Variants in EPHB1 observed in about 807,000 individuals in gnomAD.
The protein encoded by EPHB1 is ephrin type-B receptor 1.
In EPHB1, 30 loss-of-function variants were observed where a neutral mutation model predicts 94.4. That is an observed-to-expected ratio of 0.32 (90% CI 0.24 to 0.43). EPHB1 has a LOEUF of 0.43. EPHB1 is among the 20% of genes least tolerant of loss of function. The pLI is 1.00. For synonymous variants in EPHB1, 522 were observed against 489.1 expected, an observed-to-expected ratio of 1.07 and a Z score of -0.89; for missense variants, 1,055 against 1,308.3, an observed-to-expected ratio of 0.81 and a Z score of 2.99.
intron 15 of EPHB1, among the ~76,000 whole-genome samples, chr3:135,252,350 T>A (rs12488701): frequency 2.3e-5 from 3 of 133,074 alleles, no homozygotes; most frequent in Non-Finnish European, 3.1e-5. Flanking sequence ...TATCTCCCAA[T>A]GCTATCCCTC....
At chr3:135,236,101 CAG>C (rs1181663758) in intron 12 of EPHB1, among the ~76,000 whole-genome samples, 1 of 152,140 alleles carries the variant, frequency 6.6e-6, no homozygotes, top group Non-Finnish European at 1.5e-5. Context: ...CAGCTTTAAA[CAG>C]AAATTTATTC....
Position 135,111,061 on chromosome 3 carries a change from C to G in EPHB1, c.961+4458C>G, listed in dbSNP as rs535788944. On this transcript the variant is annotated intron_variant, in intron 4 of 15. Coordinates refer to ENST00000398015, the MANE Select transcript of EPHB1 (RefSeq NM_004441.5). Reference sequence around the variant, plus strand: ...ACAGAATGACGTCCTCTGCAGGTGGCCTCTGCAGCCAGGTTTGGTGGCCAT... The same window carrying G: ...ACAGAATGACGTCCTCTGCAGGTGGGCTCTGCAGCCAGGTTTGGTGGCCAT... 4.6e-5 allele frequency among the ~76,000 whole-genome samples: 7 copies of G among 152,222 alleles called. No homozygotes were observed. The South Asian group carries it at 1.3e-3, about 27-fold the overall frequency.
intron 3 of EPHB1, among the ~76,000 whole-genome samples, chr3:134,961,149 A>G (rs775245556): frequency 7.2e-5 from 11 of 152,172 alleles, no homozygotes; most frequent in Non-Finnish European, 1.2e-4. Flanking sequence ...GTATGCTTAT[A>G]TATGAGATTC....
At chr3:135,136,536 A>G (rs1003052465) in intron 5 of EPHB1, among the ~76,000 whole-genome samples, 2 of 152,222 alleles carry the variant, frequency 1.3e-5, no homozygotes, top group Non-Finnish European at 2.9e-5. Context: ...GAAGAAACTT[A>G]GGTCAGAGCA....
chr3:134,822,779 A>G (rs928668219), intron 1 of EPHB1, among the ~76,000 whole-genome samples: 12 of 152,216 alleles, frequency 7.9e-5, no homozygotes, highest in African/African-American at 2.9e-4. Context: ...TTTTCTGGTC[A>G]CCTTGGAAGA....
intron 12 of EPHB1, among the ~76,000 whole-genome samples, chr3:135,224,827 A>C (rs1943355449): frequency 6.6e-6 from 1 of 152,216 alleles, no homozygotes; most frequent in Non-Finnish European, 1.5e-5. Context: ...TTAGAAACCC[A>C]ACCTAATGAC....
chr3:135,048,259 C>CTTTTTTTTTTTTTTTTTTTTTTTTT (rs34135757), intron 3 of EPHB1, among the ~76,000 whole-genome samples: 1 of 55,208 alleles, frequency 1.8e-5, no homozygotes, highest in Non-Finnish European at 3.2e-5. Context: ...TTTCTTTTTT[C>CTTTTTTTTTTTTTTTTTTTTTTTTT]TTTTTTTTTT....
chr3:134,845,184 A>T (rs2036849532), intron 1 of EPHB1, among the ~76,000 whole-genome samples: 1 of 152,258 alleles, frequency 6.6e-6, no homozygotes, highest in Non-Finnish European at 1.5e-5. Flanking sequence ...AAATGTCAAA[A>T]ATAAAACTCA....
At chr3:135,054,353 C>T (rs923954966) in intron 3 of EPHB1, among the ~76,000 whole-genome samples, 1 of 152,152 alleles carries the variant, frequency 6.6e-6, no homozygotes, top group African/African-American at 2.4e-5. Flanking sequence ...AGTCCCCACA[C>T]TTGCATGAGC....
intron 9 of EPHB1, among the ~76,000 whole-genome samples, chr3:135,171,275 A>G (rs942902413): frequency 1.3e-5 from 2 of 152,208 alleles, no homozygotes; most frequent in Non-Finnish European, 2.9e-5. Context: ...AAAATATTTT[A>G]TGGTCTCCTA....
intron 1 of EPHB1, among the ~76,000 whole-genome samples, chr3:134,883,958 G>GT (rs1290605034): frequency 1.3e-5 from 2 of 152,168 alleles, no homozygotes; most frequent in Middle Eastern, 3.2e-3. Context: ...ATTTCCCCCA[G>GT]TTTAGGAGGT....
intron 3 of EPHB1, among the ~76,000 whole-genome samples, chr3:135,085,324 A>G (rs1303158609): frequency 2.0e-5 from 3 of 152,226 alleles, no homozygotes; most frequent in Non-Finnish European, 4.4e-5. Flanking sequence ...GCCACACCAC[A>G]TAAACTGGTG....
Position 134,866,102 on chromosome 3 carries a change from G to C in EPHB1, c.59-59714G>C, listed in dbSNP as rs140087060. Among the ~76,000 whole-genome samples, 6 of 152,302 alleles carry C rather than the reference G, an allele frequency of 3.9e-5. No homozygotes were observed. The East Asian group carries it at 7.7e-4, about 20-fold the overall frequency. On this transcript the variant is annotated intron_variant, in intron 1 of 15. Coordinates refer to ENST00000398015, the MANE Select transcript of EPHB1 (RefSeq NM_004441.5). ...GGGTGAGCAGAGGCTGCCTGCCCCTGTCCTGATTCTCCTCTCCTGATGCCT... is the reference window on the plus strand; with the variant it reads ...GGGTGAGCAGAGGCTGCCTGCCCCTCTCCTGATTCTCCTCTCCTGATGCCT...
At chr3:135,187,151 T>C (rs1942349613) in intron 10 of EPHB1, among the ~76,000 whole-genome samples, 1 of 152,216 alleles carries the variant, frequency 6.6e-6, no homozygotes, top group Non-Finnish European at 1.5e-5. Context: ...GATGTCTGGC[T>C]ATAGGAGAGG....
At chr3:134,853,353 G>T (rs1182505416) in intron 1 of EPHB1, among the ~76,000 whole-genome samples, 1 of 152,226 alleles carries the variant, frequency 6.6e-6, no homozygotes, top group Admixed American at 6.5e-5. Context: ...CATGTAGGGG[G>T]TGGTGTGAGC....
At chr3:134,973,391 A>G (rs1934053741) in intron 3 of EPHB1, among the ~76,000 whole-genome samples, 1 of 149,534 alleles carries the variant, frequency 6.7e-6, no homozygotes, top group Admixed American at 6.7e-5. Flanking sequence ...TGGGAGAGGA[A>G]CCGAGCAGAA....
At chr3:135,159,001 C>G (rs559138153) in intron 6 of EPHB1, among the ~76,000 whole-genome samples, 35 of 152,220 alleles carry the variant, frequency 2.3e-4, no homozygotes, top group African/African-American at 8.4e-4. Flanking sequence ...AATAACTGGA[C>G]CGAAGTTTAC....
chr3:135,106,624 C>G (rs1939230146), intron 4 of EPHB1, 21 bp downstream of exon 4: 1 of 1,612,964 alleles, frequency 6.2e-7, no homozygotes, highest in Non-Finnish European at 8.5e-7. Flanking sequence ...AGTAATGGCT[C>G]TGGGCTGGGG....
chr3:135,046,506 T>C (rs529334489), intron 3 of EPHB1, among the ~76,000 whole-genome samples: 2 of 152,326 alleles, frequency 1.3e-5, no homozygotes, highest in Non-Finnish European at 1.5e-5. Flanking sequence ...TGAAATAATA[T>C]CAGGTTTCAA....
Sources: allele counts gnomAD v4.1 joint callset (sites outside exome capture counted in the v4.1 genomes callset), GRCh38; gene constraint gnomAD v4.1.1; transcripts MANE v1.5; gene names NCBI Gene and HGNC (gene_info 2026-07-23, HGNC 2026-07-21).